DHX36: variants seen among roughly 807,000 people sequenced by gnomAD.
The protein encoded by DHX36 is ATP-dependent DNA/RNA helicase DHX36.
In DHX36, 50 loss-of-function variants were observed where a neutral mutation model predicts 139.0. The observed-to-expected ratio is 0.36, with a 90% CI of 0.29 to 0.46. The LOEUF (loss-of-function observed/expected upper bound fraction) is 0.46, where lower values mean the gene tolerates loss of function less well. Among genes scored for constraint, DHX36 ranks in the 20% least tolerant of loss-of-function variants. DHX36 has a pLI of 1.00. For missense variants in DHX36, 1,024 were observed against 1,211.3 expected (o/e 0.85, Z 2.29); for synonymous variants, 425 against 401.9 (o/e 1.06, Z -0.69).
At chr3:154,293,941 C>A in intron 13 of DHX36, 129 bp from the exon 14 acceptor site, 1 of 577,670 alleles carries the variant, frequency 1.7e-6, no homozygotes, top group South Asian at 2.8e-5. Flanking sequence ...ACATATACAT[C>A]TAATATTTAT....
At chr3:154,297,159 A>G (rs573463155) in intron 12 of DHX36, among the ~76,000 whole-genome samples, 2 of 152,318 alleles carry the variant, frequency 1.3e-5, no homozygotes, top group African/African-American at 4.8e-5. Flanking sequence ...AGATCAAAAG[A>G]TGTTGACACT....
chr3:154,315,353 C>A (rs1219544976), intron 2 of DHX36, 73 bp from the exon 3 acceptor site: 1 of 1,032,862 alleles, frequency 9.7e-7, no homozygotes, highest in Non-Finnish European at 1.4e-6. Context: ...CAAAACAAAA[C>A]AATACGCTGT....
intron 22 of DHX36, chr3:154,280,320 T>C: frequency 3.0e-6 from 1 of 336,506 alleles, no homozygotes. Context: ...AGGCTGGCTC[T>C]TCTAATATTT....
intron 17 of DHX36, among the ~76,000 whole-genome samples, chr3:154,287,126 C>T (rs1413885276): frequency 6.6e-6 from 1 of 152,162 alleles, no homozygotes; most frequent in Non-Finnish European, 1.5e-5. Context: ...CTATCAAAGA[C>T]TGCAGAACAA....
chr3:154,312,790 G>A (rs561027217), intron 3 of DHX36, among the ~76,000 whole-genome samples: 93 of 140,870 alleles, frequency 6.6e-4, no homozygotes, highest in Middle Eastern at 3.8e-3. Flanking sequence ...ATCGTGCCAC[G>A]GCACTCCAGC....
rs753427207 is a variant in DHX36 at position 154,276,756 on chromosome 3, A to T, written c.2832T>A (p.His944Gln). ...ACATAAAGTCAGTCACCTTAACAAG[A>T]TGGGCAATTCTTGCTGGAGACTGAA... ...IVFQSPARIA[H>Q]LVKELRKELD... Residue 944 changes from histidine to glutamine, a missense_variant, in exon 24 of 25, where the codon CAT becomes CAA. By Grantham distance (24) the His-to-Gln change is conservative. Around this residue, in one of 4 missense-constraint regions of DHX36, gnomAD observed 470 missense variants for 616.2 expected, o/e 0.76. Transcript: ENST00000496811. 2 of 1,613,794 alleles carry T rather than the reference A, an allele frequency of 1.2e-6. No individual in the cohort carries two copies. The highest frequency in any genetic ancestry group is 2.2e-5 in the South Asian group (2 of 90,996).
At position 154,300,935 on chromosome 3, in the gene DHX36, T is replaced by TTTTTG. The variant is rs1712248775; in HGVS notation, c.1358+47_1358+51dup. On this transcript the variant is annotated intron_variant, in intron 10 of 24. Coordinates refer to ENST00000496811, the MANE Select transcript of DHX36 (RefSeq NM_020865.3). ...CAAGAAGATGCCCCCAGCCTCTGGC[T>TTTTTG]TTTTGTTTTATTTAGCCACTGATTT... 1.9e-6 allele frequency: 3 copies of TTTTTG among 1,598,610 alleles called. No homozygotes were observed. The African/African-American group carries it at 4.1e-5, about 22-fold the overall frequency.
chr3:154,315,151 A>C lies in DHX36; in HGVS notation c.498T>G (p.Asp166Glu). The part of the protein sequence containing the change: ...RIRNRSYIDR[D>E]SEYLLQENEP... ...CATTTTCTTGCAAGAGATACTCAGA[A>C]TCTCGGTCAATATATGATCTGTTCC... Residue 166 changes from aspartate (D) to glutamate (E), a missense_variant, in exon 3 of 25, where the codon GAT becomes GAG. Coordinates refer to ENST00000496811, the MANE Select transcript of DHX36 (RefSeq NM_020865.3). 3.7e-6 allele frequency: 6 copies of C among 1,613,542 alleles called. No individual in the cohort carries two copies. The highest frequency in any genetic ancestry group is 5.1e-6 in the Non-Finnish European group (6 of 1,179,708).
intron 14 of DHX36, among the ~76,000 whole-genome samples, chr3:154,293,448 G>A (rs1382414200): frequency 1.3e-5 from 2 of 152,064 alleles, no homozygotes; most frequent in African/African-American, 4.8e-5. Flanking sequence ...CAGGTGTGGT[G>A]GCACAAGCCT....
intron 14 of DHX36, among the ~76,000 whole-genome samples, chr3:154,293,485 G>A (rs1428748620): frequency 6.6e-6 from 1 of 152,188 alleles, no homozygotes; most frequent in Non-Finnish European, 1.5e-5. Context: ...GGGAGGCTGA[G>A]GTGGAAGGCT....
At chr3:154,277,464 G>T in intron 23 of DHX36, 134 bp downstream of exon 23, 2 of 753,312 alleles carry the variant, frequency 2.7e-6, no homozygotes, top group African/African-American at 1.8e-5. Flanking sequence ...TTGTTAGAGG[G>T]AAAAAGTTAC....
chr3:154,310,547 C>T (rs1712691321), intron 4 of DHX36, among the ~76,000 whole-genome samples: 1 of 150,964 alleles, frequency 6.6e-6, no homozygotes, highest in Non-Finnish European at 1.5e-5. Flanking sequence ...CTTTGGGAGG[C>T]TGAGGTAGGC....
rs377209125 is a variant in DHX36 at position 154,316,043 on chromosome 3, G to A, written c.364C>T (p.His122Tyr). ...AAAAAATATTTCTTGTCGTACCCAT[G>A]ATCCTCAGGAGCAAACCAGGATATC... ...AQISWFAPED[H>Y]GYGTEVSTKN... The change falls in exon 2 of 25, where the codon CAT becomes TAT. Residue 122 changes from histidine (H) to tyrosine (Y), a missense_variant. Physicochemically the swap from His to Tyr is moderately conservative, Grantham distance 83 (BLOSUM62 2). This residue lies in a region of DHX36 where 293 missense variants were observed against 274.4 expected (regional missense o/e 1.07). Transcript: ENST00000496811. The A allele has an allele frequency of 4.3e-6, 7 of 1,612,476 alleles. No individual in the cohort carries two copies. The highest frequency in any genetic ancestry group is 5.1e-6 in the Non-Finnish European group (6 of 1,179,278).
At position 154,315,063 on chromosome 3, in the gene DHX36, G is replaced by C. The variant is rs757064717; in HGVS notation, c.586C>G (p.Arg196Gly). 1.2e-6 allele frequency: 2 copies of C among 1,602,248 alleles called. No individual in the cohort carries two copies. The highest frequency in any genetic ancestry group is 4.5e-5 in the East Asian group (2 of 44,726). Residue 196 changes from arginine (R) to glycine (G), a missense_variant, in exon 3 of 25, where the codon CGG (arginine) becomes GGG (glycine). This residue lies in a region of DHX36 where 293 missense variants were observed against 274.4 expected (regional missense o/e 1.07). Transcript: ENST00000496811. ...EDLQKKKNDL[R>G]YIEMQHFREK... is the part of the protein sequence containing the mutation. ...TCTACTACCTGCATTTCAATATACC[G>C]AAGGTCATTTTTTTTCTTTTGTAAA...
At chr3:154,285,135 C>A in intron 17 of DHX36, 148 bp from the exon 18 acceptor site, 1 of 819,520 alleles carries the variant, frequency 1.2e-6, no homozygotes, top group Non-Finnish European at 1.9e-6. Context: ...TTTTCCCTAC[C>A]AAAACATAAG....
chr3:154,303,418 G>T lies in DHX36; in HGVS notation c.1136-8C>A. 1 of 1,576,770 alleles carries T rather than the reference G, an allele frequency of 6.3e-7. No individual in the cohort carries two copies. Among genetic ancestry groups the T allele is most frequent in the Non-Finnish European group, 8.6e-7 (1 of 1,160,500 alleles). On this transcript the variant is annotated splice_region_variant and splice_polypyrimidine_tract_variant and intron_variant, in intron 8 of 24. Coordinates refer to ENST00000496811, the MANE Select transcript of DHX36 (RefSeq NM_020865.3). ...GTATCATTGGACAGTTACCTATTAC[G>T]GCAGACAAAATATAAGCATAAATTT...
At chr3:154,308,122 A>C (rs1028817422) in intron 5 of DHX36, among the ~76,000 whole-genome samples, 2 of 152,206 alleles carry the variant, frequency 1.3e-5, no homozygotes, top group Non-Finnish European at 2.9e-5. Flanking sequence ...GGTACAATGT[A>C]TATGATGTGG....
chr3:154,283,417 A>T, intron 19 of DHX36, 146 bp from the exon 20 acceptor site: 1 of 608,272 alleles, frequency 1.6e-6, no homozygotes, highest in South Asian at 2.3e-5. Context: ...ATAACTGATA[A>T]AACTAAAAAC....
intron 12 of DHX36, among the ~76,000 whole-genome samples, chr3:154,296,201 G>A (rs945013807): frequency 1.3e-5 from 2 of 152,148 alleles, no homozygotes; most frequent in South Asian, 2.1e-4. Flanking sequence ...CAGGCCAGGC[G>A]CGGTGGCTCA....
Sources: allele counts gnomAD v4.1 joint callset (sites outside exome capture counted in the v4.1 genomes callset), GRCh38; gene constraint gnomAD v4.1.1; regional missense constraint gnomAD v4.1.1; transcripts MANE v1.5; gene names NCBI Gene and HGNC (gene_info 2026-07-23, HGNC 2026-07-21).